NAALADL2: variants seen among roughly 807,000 people sequenced by gnomAD.
NAALADL2 encodes the protein N-acetylated alpha-linked acidic dipeptidase like 2, also known as inactive N-acetylated-alpha-linked acidic dipeptidase-like protein 2.
NAALADL2 carries 76 observed loss-of-function variants against 87.2 expected under a neutral mutation model. That is an observed-to-expected ratio of 0.87 (90% CI 0.72 to 1.05). NAALADL2 has a LOEUF of 1.05. Among genes scored for constraint, NAALADL2 ranks in the 50% least tolerant of loss-of-function variants. NAALADL2 has a pLI of 0.00. For synonymous variants in NAALADL2, 354 were observed against 331.0 expected (o/e 1.07, Z -0.75); for missense variants, 1,089 against 945.8 (o/e 1.15, Z -1.99).
chr3:175,311,578 G>A (rs1239357145), intron 4 of NAALADL2, among the ~76,000 whole-genome samples: 3 of 151,286 alleles, frequency 2.0e-5, no homozygotes, highest in Non-Finnish European at 4.4e-5. Flanking sequence ...AACAGGAAAT[G>A]CTCCCTTCCC....
At chr3:175,467,272 T>G (rs9839245) in intron 8 of NAALADL2, 88 bp downstream of exon 8, 635,518 of 1,039,608 alleles carry the variant, frequency 0.61, 199,670 homozygotes, top group Non-Finnish European at 0.64. Context: ...CCAAGGGCAA[T>G]AATGTGCTTC....
intron 3 of NAALADL2, among the ~76,000 whole-genome samples, chr3:174,763,544 G>A (rs566548298): frequency 8.4e-5 from 10 of 119,522 alleles, no homozygotes; most frequent in Non-Finnish European, 6.4e-5. Flanking sequence ...CCGAGATTGC[G>A]CCACTGCACT....
At chr3:175,767,004 T>G (rs1001831559) in intron 13 of NAALADL2, among the ~76,000 whole-genome samples, 8 of 152,156 alleles carry the variant, frequency 5.3e-5, no homozygotes, top group African/African-American at 1.9e-4. Context: ...AGCACACATT[T>G]AGTCCTGTAC....
intron 2 of NAALADL2, among the ~76,000 whole-genome samples, chr3:174,666,346 G>A (rs996293786): frequency 1.3e-5 from 2 of 152,102 alleles, no homozygotes; most frequent in Admixed American, 6.6e-5. Context: ...CACCAAGCAC[G>A]AATAGTATGA....
At chr3:175,276,417 C>T (rs1753604597) in intron 4 of NAALADL2, among the ~76,000 whole-genome samples, 1 of 151,768 alleles carries the variant, frequency 6.6e-6, no homozygotes, top group Non-Finnish European at 1.5e-5. Context: ...CTCTTGCCTG[C>T]CTCAGCCTCC....
intron 3 of NAALADL2, among the ~76,000 whole-genome samples, chr3:175,237,699 C>G (rs1412744233): frequency 6.6e-6 from 1 of 152,100 alleles, no homozygotes; most frequent in Non-Finnish European, 1.5e-5. Flanking sequence ...AAAGAAGAAG[C>G]CGGTTTACTT....
rs144695662 is a variant in NAALADL2 at position 175,534,033 on chromosome 3, T to G, written c.1654-42008T>G. On this transcript the variant is annotated intron_variant, in intron 9 of 13. Transcript: ENST00000454872. ...AGGAGTGTCAAATGCATTTATTTAT[T>G]TATTATAAATAAATTATTTATTTAT... Among the ~76,000 whole-genome samples the G allele has an allele frequency of 4.5e-3, 679 of 150,232 alleles. 6 individuals carry two copies. The highest frequency in any genetic ancestry group is 0.016 in the African/African-American group (651 of 41,220).
intron 1 of NAALADL2, among the ~76,000 whole-genome samples, chr3:174,958,106 T>A (rs1741420451): frequency 6.6e-6 from 1 of 150,416 alleles, no homozygotes; most frequent in South Asian, 2.1e-4. Context: ...CAGCTTGCTT[T>A]CTGTTTAAGC....
chr3:175,792,616 G>A (rs2151607), intron 13 of NAALADL2, among the ~76,000 whole-genome samples: 90,244 of 152,010 alleles, frequency 0.59, 28,885 homozygotes, highest in African/African-American at 0.85. Context: ...TTGTAAAAGA[G>A]AATGTCTATG....
At chr3:174,882,282 A>C (rs1474365017) in intron 1 of NAALADL2, among the ~76,000 whole-genome samples, 1 of 151,994 alleles carries the variant, frequency 6.6e-6, no homozygotes, top group Admixed American at 6.6e-5. Flanking sequence ...CACTAATTAT[A>C]GGGAGGTAAG....
intron 4 of NAALADL2, among the ~76,000 whole-genome samples, chr3:175,308,283 ATGT>A (rs1757952666): frequency 6.6e-6 from 1 of 152,096 alleles, no homozygotes; most frequent in African/African-American, 2.4e-5. Context: ...TATCTCTCTA[ATGT>A]TGTTCATCAC....
chr3:175,584,070 G>T (rs137900747), intron 10 of NAALADL2, among the ~76,000 whole-genome samples: 16 of 150,760 alleles, frequency 1.1e-4, no homozygotes, highest in African/African-American at 2.9e-4. Context: ...TGGAGTCTGG[G>T]TCTGTCACCC....
chr3:175,339,068 G>C (rs771294963), intron 5 of NAALADL2, among the ~76,000 whole-genome samples: 2 of 152,228 alleles, frequency 1.3e-5, no homozygotes, highest in Non-Finnish European at 2.9e-5. Context: ...CCCTGAAGGA[G>C]TGGGGAACAA....
In NAALADL2 at chr3:175,530,438, C is replaced by T. The variant is rs138399350; in HGVS notation, c.1654-45603C>T. 4.4e-3 allele frequency among the ~76,000 whole-genome samples: 671 copies of T among 152,336 alleles called. 4 individuals are homozygous for T. Among genetic ancestry groups the T allele is most frequent in the African/African-American group, 0.015 (638 of 41,572 alleles). ...TCTGGCCATTTCTCCTTCCATGCGA[C>T]GTGCACAATCAGGTGCACTGCTTGA... is the stretch of plus-strand genomic sequence containing the variant. On this transcript the variant is annotated intron_variant, in intron 9 of 13. Transcript: ENST00000454872.
chr3:174,739,850 A>G (rs1334765543), intron 3 of NAALADL2, among the ~76,000 whole-genome samples: 1 of 152,078 alleles, frequency 6.6e-6, no homozygotes, highest in Non-Finnish European at 1.5e-5. Context: ...GTATTAGCAA[A>G]AAGTATTAGC....
At chr3:174,776,522 C>T (rs566816498) in intron 3 of NAALADL2, among the ~76,000 whole-genome samples, 1 of 152,204 alleles carries the variant, frequency 6.6e-6, no homozygotes, top group African/African-American at 2.4e-5. Flanking sequence ...GAAACCTTCC[C>T]AAATTCTGCA....
chr3:175,441,671 T>TCACACACACA (rs57990259), intron 5 of NAALADL2, among the ~76,000 whole-genome samples: 5 of 148,644 alleles, frequency 3.4e-5, no homozygotes, highest in African/African-American at 1.2e-4. Context: ...GATCTCATGT[T>TCACACACACA]CACACACACA....
chr3:175,131,559 G>A (rs1465846941), intron 2 of NAALADL2, among the ~76,000 whole-genome samples: 1 of 152,132 alleles, frequency 6.6e-6, no homozygotes, highest in African/African-American at 2.4e-5. Context: ...CACAGACATG[G>A]CAACCATCCG....
At chr3:175,121,185 T>G (rs1486119302) in intron 2 of NAALADL2, among the ~76,000 whole-genome samples, 1 of 151,908 alleles carries the variant, frequency 6.6e-6, no homozygotes, top group South Asian at 2.1e-4. Context: ...TTATGCTTGT[T>G]TGAGGGTCTG....
Sources: allele counts gnomAD v4.1 joint callset (sites outside exome capture counted in the v4.1 genomes callset), GRCh38; gene constraint gnomAD v4.1.1; transcripts MANE v1.5; gene names NCBI Gene and HGNC (gene_info 2026-07-23, HGNC 2026-07-21).